The following TMEM245 variants were observed in gnomAD, a reference collection of about 807,000 sequenced individuals.
TMEM245 encodes transmembrane protein 245.
In TMEM245, 69 loss-of-function variants were observed where a neutral mutation model predicts 101.2. That is an observed-to-expected ratio of 0.68 (90% CI 0.56 to 0.83). TMEM245 has a LOEUF of 0.83. Ranked by LOEUF, TMEM245 falls within the 40% of genes least tolerant of loss-of-function variation. TMEM245 has a pLI of 0.00. For synonymous variants in TMEM245, 537 were observed against 449.8 expected, an observed-to-expected ratio of 1.19 and a Z score of -2.45; for missense variants, 1,075 against 1,092.8, an observed-to-expected ratio of 0.98 and a Z score of 0.23.
chr9:109,027,008 C>T (rs1012637248), intron 17 of TMEM245, among the ~76,000 whole-genome samples: 1 of 152,036 alleles, frequency 6.6e-6, no homozygotes, highest in Non-Finnish European at 1.5e-5. Flanking sequence ...CAAAATAAAC[C>T]TCTTTTCTTT....
At chr9:109,064,412 G>C (rs879637132) in intron 10 of TMEM245, 65 bp downstream of exon 10, 8 of 1,432,772 alleles carry the variant, frequency 5.6e-6, no homozygotes, top group Non-Finnish European at 7.7e-6. Context: ...TTTTATCAAA[G>C]CAACAAGCAA....
At chr9:109,062,198 G>T (rs1829037308) in intron 10 of TMEM245, among the ~76,000 whole-genome samples, 1 of 151,358 alleles carries the variant, frequency 6.6e-6, no homozygotes, top group South Asian at 2.1e-4. Flanking sequence ...TAGAGACAAG[G>T]TCTCACTATG....
chr9:109,063,928 C>T (rs1829089519), intron 10 of TMEM245, among the ~76,000 whole-genome samples: 1 of 152,176 alleles, frequency 6.6e-6, no homozygotes, highest in African/African-American at 2.4e-5. Flanking sequence ...TGCGAGCATG[C>T]TACAGTAGAA....
Position 109,050,348 on chromosome 9 carries a change from C to T in TMEM245, c.2058G>A (p.Leu686=), listed in dbSNP as rs1423872703. The T allele has an allele frequency of 1.2e-6, 2 of 1,613,976 alleles. No individual in the cohort carries two copies. Among genetic ancestry groups the T allele is most frequent in the African/African-American group, 1.3e-5 (1 of 74,914 alleles). The change falls in exon 14 of 18, where the codon CTG becomes CTA. Residue 686 remains leucine (L), a synonymous_variant. Transcript: ENST00000374586. ...YYKPVKWVIS[L]TPLSQPGPSS... is the part of the protein sequence containing the mutation. ...AAGGACCTGGCTGAGATAGTGGAGT[C>T]AGGCTTATCACCCACTTCACTGGCT...
chr9:109,049,204 T>C (rs1022224177), intron 14 of TMEM245, among the ~76,000 whole-genome samples: 7 of 152,154 alleles, frequency 4.6e-5, no homozygotes, highest in African/African-American at 7.2e-5. Context: ...CAAAACTGCT[T>C]TGAATTGTTA....
At chr9:109,108,118 C>T (rs1283772758) in intron 2 of TMEM245, among the ~76,000 whole-genome samples, 2 of 152,160 alleles carry the variant, frequency 1.3e-5, no homozygotes, top group Non-Finnish European at 2.9e-5. Flanking sequence ...GGTTCTCACA[C>T]ATGTCTCTGA....
At position 109,033,342 on chromosome 9, in the gene TMEM245, C is replaced by A. The variant is rs376961293; in HGVS notation, c.2559G>T (p.Thr853=). 1.9e-6 allele frequency: 3 copies of A among 1,612,700 alleles called. No homozygotes were observed. The highest frequency in any genetic ancestry group is 1.7e-6 in the Non-Finnish European group (2 of 1,179,368). Reference sequence around the variant, plus strand: ...GAGCAGGCCATGGGGTCTGGTTTGGCGTGGGAACTGAATTCGTGGGACTCA... The same window carrying A: ...GAGCAGGCCATGGGGTCTGGTTTGGAGTGGGAACTGAATTCGTGGGACTCA... ...MLVSPTNSVP[T]PNQTPWPAQP... Residue 853 remains threonine (T), a synonymous_variant, in exon 17 of 18, where the codon ACG becomes ACT. Transcript: ENST00000374586.
intron 3 of TMEM245, among the ~76,000 whole-genome samples, chr9:109,100,269 G>T (rs924334661): frequency 6.6e-6 from 1 of 152,088 alleles, no homozygotes; most frequent in South Asian, 2.1e-4. Context: ...AAGAGCCTGG[G>T]GAGGGGAAAG....
rs759248974 is a variant in TMEM245, at chr9:109,033,317, G to C, written c.2584C>G (p.Gln862Glu). The C allele has an allele frequency of 6.2e-7, 1 of 1,609,034 alleles. No homozygotes were observed. Among genetic ancestry groups the C allele is most frequent in the Non-Finnish European group, 8.5e-7 (1 of 1,177,588 alleles). The change falls in exon 17 of 18, where the codon CAG (glutamine) becomes GAG (glutamate). Residue 862 changes from glutamine to glutamate, a missense_variant. By Grantham distance (29) the Gln-to-Glu change is conservative (BLOSUM62 2). Coordinates refer to ENST00000374586, the MANE Select transcript of TMEM245 (RefSeq NM_032012.4). ...PTPNQTPWPA[Q>E]PQRTFRDISE... ...TCTGCTTTAACTCACCGCTGAGGCT[G>C]AGCAGGCCATGGGGTCTGGTTTGGC...
intron 8 of TMEM245, among the ~76,000 whole-genome samples, chr9:109,076,255 C>T (rs1588054912): frequency 6.6e-6 from 1 of 151,608 alleles, no homozygotes; most frequent in Non-Finnish European, 1.5e-5. Flanking sequence ...AAGCTGGAAA[C>T]CATTCTCAGC....
chr9:109,091,166 AAAG>A lies in TMEM245; in HGVS notation c.917-14_917-12del. 6.2e-7 allele frequency: 1 copy of A among 1,608,810 alleles called. No individual in the cohort carries two copies. The highest frequency in any genetic ancestry group is 8.5e-7 in the Non-Finnish European group (1 of 1,176,184). On this transcript the variant is annotated splice_polypyrimidine_tract_variant and intron_variant, in intron 4 of 17. Coordinates refer to ENST00000374586, the MANE Select transcript of TMEM245 (RefSeq NM_032012.4). Reference sequence around the variant, plus strand: ...CCCTGTCCACTGCTTCTGAAAAGGAAAAGAAAAACACCACACACCGCATTAGTC... The same window carrying A: ...CCCTGTCCACTGCTTCTGAAAAGGAAAAAAACACCACACACCGCATTAGTC...
intron 1 of TMEM245, among the ~76,000 whole-genome samples, chr9:109,111,553 T>A (rs192097527): frequency 5.4e-4 from 76 of 141,196 alleles, no homozygotes; most frequent in African/African-American, 2.2e-3. Context: ...CTCATTCCAG[T>A]TTAAAATAAC....
At position 109,036,234 on chromosome 9, in the gene TMEM245, C is replaced by T; in HGVS notation, c.2371G>A (p.Asp791Asn). 1.2e-6 allele frequency: 2 copies of T among 1,612,138 alleles called. No individual in the cohort carries two copies. The highest frequency in any genetic ancestry group is 1.7e-6 in the Non-Finnish European group (2 of 1,179,414). ...IFHLLPTYFV[D>N]TAIYSDISGG... ...GATATGTCAGAGTAGATTGCAGTAT[C>T]TACAAAGTATGTTGGCAAGAGATGA... The change falls in exon 16 of 18, where the codon GAT (aspartate) becomes AAT (asparagine). Residue 791 changes from aspartate (D) to asparagine (N), a missense_variant. By Grantham distance (23) the Asp-to-Asn change is conservative (BLOSUM62 1). Transcript: ENST00000374586.
chr9:109,104,290 T>TCCATGTAC (rs1306071281), intron 3 of TMEM245, among the ~76,000 whole-genome samples: 1 of 151,994 alleles, frequency 6.6e-6, no homozygotes, highest in Non-Finnish European at 1.5e-5. Flanking sequence ...GTCAAAACAT[T>TCCATGTAC]CCATGTACCC....
chr9:109,021,409 A>T (rs1053754813), intron 17 of TMEM245, among the ~76,000 whole-genome samples: 2 of 152,250 alleles, frequency 1.3e-5, no homozygotes, highest in African/African-American at 4.8e-5. Flanking sequence ...GTCTATTACC[A>T]TTCTTTTAGA....
At chr9:109,067,189 C>G (rs1420202605) in intron 9 of TMEM245, among the ~76,000 whole-genome samples, 2 of 152,120 alleles carry the variant, frequency 1.3e-5, no homozygotes, top group African/African-American at 2.4e-5. Flanking sequence ...TGTACTCACA[C>G]AGGTTTCCTA....
At chr9:109,090,698 C>G (rs1829973916) in intron 5 of TMEM245, among the ~76,000 whole-genome samples, 2 of 145,966 alleles carry the variant, frequency 1.4e-5, no homozygotes, top group Admixed American at 1.4e-4. Flanking sequence ...CACTTCCAGC[C>G]TGGGCAAGAC....
intron 17 of TMEM245, among the ~76,000 whole-genome samples, chr9:109,027,722 G>C (rs1827830330): frequency 6.6e-6 from 1 of 151,980 alleles, no homozygotes; most frequent in Non-Finnish European, 1.5e-5. Flanking sequence ...CCAGGCTGCA[G>C]TGCAGTGGTG....
rs943807922 is a variant in TMEM245 at position 109,119,585 on chromosome 9, T to C, written c.329A>G (p.Gln110Arg). ...GGGCGTGTGCGCGCGGTGCAGGCGC[T>C]GCAGCCAGTGGCGGCCCAGGCGCGT... ...SLTRLGRHWL[Q>R]RLHRAHTPIV... Residue 110 changes from glutamine to arginine, a missense_variant, in exon 1 of 18, where the codon CAG becomes CGG. By Grantham distance (43) the Gln-to-Arg change is conservative (BLOSUM62 1). This residue lies in a region of TMEM245 where 808 missense variants were observed against 741.5 expected (regional missense o/e 1.09). Transcript: ENST00000374586. 6.5e-6 allele frequency: 10 copies of C among 1,548,482 alleles called. No individual in the cohort carries two copies. Among genetic ancestry groups the C allele is most frequent in the Non-Finnish European group, 8.7e-6 (10 of 1,151,424 alleles).
Sources: allele counts gnomAD v4.1 joint callset (sites outside exome capture counted in the v4.1 genomes callset), GRCh38; gene constraint gnomAD v4.1.1; regional missense constraint gnomAD v4.1.1; transcripts MANE v1.5; gene names NCBI Gene and HGNC (gene_info 2026-07-23, HGNC 2026-07-21).